PGM1: variants seen among roughly 807,000 people sequenced by gnomAD.
PGM1 encodes phosphoglucomutase 1, also known as phosphoglucomutase-1.
PGM1 carries 52 observed loss-of-function variants against 55.6 expected under a neutral mutation model. The observed-to-expected ratio is 0.94, with a 90% CI of 0.75 to 1.18. The LOEUF is 1.18. PGM1 is among the 50% of genes most tolerant of loss of function. The pLI is 0.00. For synonymous variants in PGM1, 287 were observed against 271.7 expected (o/e 1.06, Z -0.55); for missense variants, 724 against 729.3 (o/e 0.99, Z 0.08).
At chr1:63,633,892 G>C (rs1557433507) in intron 4 of PGM1, among the ~76,000 whole-genome samples, 2 of 45,994 alleles carry the variant, frequency 4.3e-5, no homozygotes, top group African/African-American at 1.2e-4. Context: ...GTGTGTGTGT[G>C]TGTGTGTGTG....
intron 1 of PGM1, among the ~76,000 whole-genome samples, chr1:63,620,729 A>G (rs961826360): frequency 6.6e-6 from 1 of 152,208 alleles, no homozygotes; most frequent in Admixed American, 6.5e-5. Flanking sequence ...AGGGGTTCAT[A>G]ACTCTGCCAT....
At chr1:63,597,180 A>T (rs1297520452) in intron 1 of PGM1, among the ~76,000 whole-genome samples, 1 of 140,508 alleles carries the variant, frequency 7.1e-6, no homozygotes, top group Non-Finnish European at 1.5e-5. Context: ...AGATGAAGGG[A>T]GGGAGGCTCC....
At chr1:63,623,618 A>G (rs1241002959) in intron 1 of PGM1, 1 of 1,612,782 alleles carries the variant, frequency 6.2e-7, no homozygotes. Context: ...AAGCCATGCT[A>G]TCTGGAGAAT....
At chr1:63,650,190 G>T (rs151275199) in intron 8 of PGM1, among the ~76,000 whole-genome samples, 33 of 152,224 alleles carry the variant, frequency 2.2e-4, no homozygotes, top group African/African-American at 7.9e-4. Flanking sequence ...GAACAAAAGC[G>T]CTAGGCACTT....
chr1:63,605,973 T>C (rs901783810), intron 1 of PGM1, among the ~76,000 whole-genome samples: 4 of 152,236 alleles, frequency 2.6e-5, no homozygotes, highest in Non-Finnish European at 5.9e-5. Flanking sequence ...AACTCTGTGA[T>C]GGCACAAATT....
intron 1 of PGM1, among the ~76,000 whole-genome samples, chr1:63,629,000 C>T (rs533997569): frequency 5.3e-5 from 8 of 152,284 alleles, no homozygotes; most frequent in East Asian, 1.9e-4. Context: ...TGGGTAGAAT[C>T]CCTTTAATTA....
At chr1:63,594,630 T>G (rs1158752725) in intron 1 of PGM1, among the ~76,000 whole-genome samples, 1 of 151,734 alleles carries the variant, frequency 6.6e-6, no homozygotes, top group Non-Finnish European at 1.5e-5. Context: ...AAAAAAAGTT[T>G]TTCAGTAAAT....
chr1:63,609,421 T>C (rs1188058764), intron 1 of PGM1, among the ~76,000 whole-genome samples: 1 of 152,018 alleles, frequency 6.6e-6, no homozygotes, highest in African/African-American at 2.4e-5. Flanking sequence ...TGCACAGTGG[T>C]TGGGGGTACA....
chr1:63,595,626 T>G (rs1179460496), intron 1 of PGM1, among the ~76,000 whole-genome samples: 3 of 152,174 alleles, frequency 2.0e-5, no homozygotes, highest in African/African-American at 7.2e-5. Flanking sequence ...TTACCACCTG[T>G]GCTGAATTTG....
intron 1 of PGM1, chr1:63,593,961 C>T: frequency 4.2e-6 from 5 of 1,203,080 alleles, no homozygotes; most frequent in Non-Finnish European, 5.1e-6. Context: ...GCTCGCCTGA[C>T]TCCCGGGGCG....
In PGM1 at chr1:63,659,613, G is replaced by T. The variant is rs1050453783; in HGVS notation, c.1627G>T (p.Ala543Ser). ...QVMLAPLISIALKVSQLQERT... is the reference protein window; with the variant it reads ...QVMLAPLISISLKVSQLQERT... Reference sequence around the variant, plus strand: ...CATGTTGGCCCCCCTTATTTCCATTGCTCTGAAAGTGTCCCAGCTGCAGGA... The same window carrying T: ...CATGTTGGCCCCCCTTATTTCCATTTCTCTGAAAGTGTCCCAGCTGCAGGA... The change falls in exon 11 of 11, where the codon GCT becomes TCT. Residue 543 changes from alanine to serine, a missense_variant. Coordinates refer to ENST00000371084, the MANE Select transcript of PGM1 (RefSeq NM_002633.3). 20 of 1,613,946 alleles carry T rather than the reference G, an allele frequency of 1.2e-5. No homozygotes were observed. Among genetic ancestry groups the T allele is most frequent in the Non-Finnish European group, 1.7e-5 (20 of 1,179,956 alleles).
At chr1:63,603,405 G>A (rs1038639589) in intron 1 of PGM1, among the ~76,000 whole-genome samples, 1 of 152,228 alleles carries the variant, frequency 6.6e-6, no homozygotes, top group African/African-American at 2.4e-5. Context: ...ATCTTGCTAT[G>A]TAAGTCAGAG....
rs753363543 is a variant in PGM1, at chr1:63,593,697, C to T, written c.209C>T (p.Ala70Val). Residue 70 changes from alanine (A) to valine (V), a missense_variant, in exon 1 of 11, where the codon GCC (alanine) becomes GTC (valine). By Grantham distance (64) the Ala-to-Val change is moderately conservative. Coordinates refer to ENST00000371084, the MANE Select transcript of PGM1 (RefSeq NM_002633.3). ...GACGGCCGGTTCTACATGAAGGAGG[C>T]CATCCAGCTCATCGCTCGCATCGCT... ...GGDGRFYMKE[A>V]IQLIARIAAA... The T allele has an allele frequency of 5.0e-6, 8 of 1,602,966 alleles. No homozygotes were observed. The East Asian group carries it at 1.6e-4, about 32-fold the overall frequency.
intron 7 of PGM1, among the ~76,000 whole-genome samples, chr1:63,644,674 G>A (rs1377272532): frequency 1.9e-4 from 29 of 152,060 alleles, no homozygotes; most frequent in Admixed American, 1.9e-3. Flanking sequence ...ATTTCTACTT[G>A]CTTTTTCGTA....
Position 63,659,857 on chromosome 1 carries a change from A to G in PGM1, c.*182A>G. On this transcript the variant is annotated 3_prime_UTR_variant, in exon 11 of 11. Transcript: ENST00000371084. ...AAACAAGATGCCCTTGGGAGCTGTGAGGGAAAGAGGACCTGCGGGCTTAGA... is the reference window on the plus strand; with the variant it reads ...AAACAAGATGCCCTTGGGAGCTGTGGGGGAAAGAGGACCTGCGGGCTTAGA... 3.0e-6 allele frequency: 2 copies of G among 661,042 alleles called. No homozygotes were observed. The highest frequency in any genetic ancestry group is 5.6e-6 in the Non-Finnish European group (2 of 360,202). The allele number at this position is 661,042 out of a possible 1,614,324, so 40.9% of individuals were successfully genotyped here. A position where few individuals can be genotyped will look rare whatever the true frequency, so the allele number is the denominator to read the frequency against.
At chr1:63,596,254 C>CTTTTTTTTTTTTTTTTTTTTT (rs531673796) in intron 1 of PGM1, among the ~76,000 whole-genome samples, 16 of 111,322 alleles carry the variant, frequency 1.4e-4, no homozygotes, top group South Asian at 6.3e-4. Context: ...TTTTCTTCTT[C>CTTTTTTTTTTTTTTTTTTTTT]TTTTTTTTTT....
intron 1 of PGM1, among the ~76,000 whole-genome samples, chr1:63,601,045 A>G (rs1294204314): frequency 1.3e-5 from 2 of 152,190 alleles, no homozygotes; most frequent in African/African-American, 2.4e-5. Flanking sequence ...CAAATGAGCA[A>G]CAAAAAGACA....
At chr1:63,613,822 C>G (rs899048152) in intron 1 of PGM1, among the ~76,000 whole-genome samples, 9 of 151,504 alleles carry the variant, frequency 5.9e-5, no homozygotes, top group African/African-American at 2.2e-4. Context: ...ATATACTTTG[C>G]ACTTGGGCAG....
chr1:63,610,884 T>C (rs17301692), intron 1 of PGM1, among the ~76,000 whole-genome samples: 27,292 of 152,028 alleles, frequency 0.18, 2,805 homozygotes, highest in Non-Finnish European at 0.22. Flanking sequence ...GTAAGCAAAA[T>C]TGATCCTGAG....
Sources: gnomAD v4.1 joint callset for allele counts (sites outside exome capture counted in the v4.1 genomes callset) on GRCh38, gnomAD v4.1.1 for gene constraint, MANE v1.5 for transcripts, NCBI Gene and HGNC (gene_info 2026-07-23, HGNC 2026-07-21) for gene names.